The following DACT2 variants were observed in gnomAD, a reference collection of about 807,000 sequenced individuals.
DACT2 encodes dishevelled binding antagonist of beta catenin 2, also known as dapper homolog 2.
Under a neutral mutation model 22.2 loss-of-function variants are expected in DACT2, and 20 were observed. The observed-to-expected ratio is 0.90, with a 90% CI of 0.63 to 1.31. DACT2 has a LOEUF of 1.31. DACT2 is among the 50% of genes most tolerant of loss of function. DACT2 has a pLI of 0.00. For synonymous variants in DACT2, 463 were observed against 479.8 expected (o/e 0.96, Z 0.46); for missense variants, 1,048 against 1,061.4 (o/e 0.99, Z 0.18).
At chr6:168,293,792 G>GA (rs201250478) in exon 6 of DACT2, 1 of 694,984 alleles carries the variant, frequency 1.4e-6, no homozygotes, top group African/African-American at 1.7e-5. Context: ...GGCAGAGGGG[G>GA]GCCGATGATA....
At position 168,307,920 on chromosome 6, in the gene DACT2, C is replaced by G; in HGVS notation, c.1837G>C (p.Val613Leu). The change falls in exon 4 of 4, where the codon GTG becomes CTG. Residue 613 changes from valine to leucine, a missense_variant. Val to Leu is a conservative substitution (Grantham distance 32). Transcript: ENST00000366795. The surrounding 1 kb of genome is among the most constrained non-coding windows in gnomAD (Gnocchi z 5.3). ...RRKHRRWQST[V>L]EISARARLAS... ...AGGCGGGCCCGGGCCGAGATCTCCA[C>G]GGTGGACTGCCAGCGGCGATGCTTC... 6.5e-7 allele frequency: 1 copy of G among 1,545,796 alleles called. No individual in the cohort carries two copies. The highest frequency in any genetic ancestry group is 8.7e-7 in the Non-Finnish European group (1 of 1,146,796).
chr6:168,303,225 C>G (rs909128605), downstream of DACT2, among the ~76,000 whole-genome samples: 2 of 152,248 alleles, frequency 1.3e-5, no homozygotes, highest in Non-Finnish European at 2.9e-5. Flanking sequence ...CTGTACAGAA[C>G]CTCGGATTCT....
rs748726350 is a variant in DACT2, at chr6:168,307,648, G to C, written c.2109C>G (p.Asp703Glu). Residue 703 changes from aspartate (D) to glutamate (E), a missense_variant, in exon 4 of 4, where the codon GAC becomes GAG. Asp to Glu is a conservative substitution (Grantham distance 45). Transcript: ENST00000366795. This position sits in a 1 kb window ranked among gnomAD's most constrained non-coding sequence, Gnocchi z 5.3. ...CCCTGCTCTGGGCGCCGCCCTCCTC[G>C]TCGCTGCTGCTGGACTCACGGTCTC... The part of the protein sequence containing the change: ...RFGDRESSSS[D>E]EEGGAQSRDC... 1.9e-6 allele frequency: 3 copies of C among 1,547,428 alleles called. No individual in the cohort carries two copies. The Admixed American group carries it at 5.9e-5, about 30-fold the overall frequency.
chr6:168,315,460 C>T (rs1453471781), intron 1 of DACT2, among the ~76,000 whole-genome samples: 2 of 152,166 alleles, frequency 1.3e-5, no homozygotes, highest in African/African-American at 4.8e-5. Context: ...CAGCAGCAAA[C>T]CCACTTGGGT....
Position 168,310,396 on chromosome 6 carries a change from C to CACAGG in DACT2, c.425_429dup (p.Ala144ProfsTer150), listed in dbSNP as rs1380436992. The CACAGG allele has an allele frequency of 1.9e-6, 3 of 1,551,446 alleles. No individual in the cohort carries two copies. In the African/African-American group the frequency reaches 4.1e-5, roughly 21 times the overall value. ...GAGATGTGGTCACTGCAGACGGAGG[C>CACAGG]ACAGGACGTGGACAGGGAGCAGGAT... On this transcript the variant is annotated frameshift_variant, in exon 3 of 4. Coordinates refer to ENST00000366795, the MANE Select transcript of DACT2 (RefSeq NM_214462.5). LOFTEE classifies it high-confidence loss of function.
downstream of DACT2, chr6:168,301,932 G>A (rs1779119093): frequency 6.6e-6 from 1 of 152,668 alleles, no homozygotes; most frequent in South Asian, 2.1e-4. Flanking sequence ...CCCGGCTCCG[G>A]GCCCGCTCTT....
Position 168,308,529 on chromosome 6 carries a change from G to A in DACT2, c.1228C>T (p.Pro410Ser), listed in dbSNP as rs192935251. 6.4e-7 allele frequency: 1 copy of A among 1,551,010 alleles called. No homozygotes were observed. Among genetic ancestry groups the A allele is most frequent in the African/African-American group, 1.4e-5 (1 of 73,000 alleles). Residue 410 changes from proline to serine, a missense_variant, in exon 4 of 4, where the codon CCC becomes TCC. Physicochemically the swap from Pro to Ser is moderately conservative, Grantham distance 74 (BLOSUM62 -1). Coordinates refer to ENST00000366795, the MANE Select transcript of DACT2 (RefSeq NM_214462.5). ...RGGPQQQGYM[P>S]LEGPQQSGSL... Reference sequence around the variant, plus strand: ...CCAGACTGCTGGGGACCCTCAAGGGGCATGTATCCCTGCTGCTGGGGCCCG... The same window carrying A: ...CCAGACTGCTGGGGACCCTCAAGGGACATGTATCCCTGCTGCTGGGGCCCG...
intron 1 of DACT2, among the ~76,000 whole-genome samples, chr6:168,318,074 A>G (rs1414777169): frequency 7.4e-6 from 1 of 135,682 alleles, no homozygotes; most frequent in Non-Finnish European, 1.6e-5. Flanking sequence ...ACAACATCTC[A>G]GCAGCACCTC....
rs143779823 is a variant in DACT2, at chr6:168,307,200, G to T, written c.*232C>A. On this transcript the variant is annotated 3_prime_UTR_variant, in exon 4 of 4. Transcript: ENST00000366795. The surrounding 1 kb of genome is among the most constrained non-coding windows in gnomAD (Gnocchi z 5.3). The stretch of plus-strand genomic sequence containing the variant: ...CTTGAAAAGAGACACTAGGTCGGCC[G>T]GGGAGGCTGCTGGCATCTGAAACCA... 1 of 1,384,594 alleles carries T rather than the reference G, an allele frequency of 7.2e-7. No homozygotes were observed. Among genetic ancestry groups the T allele is most frequent in the Non-Finnish European group, 9.3e-7 (1 of 1,073,496 alleles). The allele number at this position is 1,384,594 out of a possible 1,614,324, so 85.8% of individuals were successfully genotyped here. A position where few individuals can be genotyped will look rare whatever the true frequency, so the allele number is the denominator to read the frequency against.
chr6:168,307,863 G>A lies in DACT2; in HGVS notation c.1894C>T (p.Pro632Ser), dbSNP rs978072021. ...CCTGCTCTCCTGGCCACGGGCCTGG[G>A]GGGCCCCAGGTTAGACTCAGGACAG... ...ASCPESNLGPPRPVARRAGGP... is the reference protein window; with the variant it reads ...ASCPESNLGPSRPVARRAGGP... Residue 632 changes from proline to serine, a missense_variant, in exon 4 of 4, where the codon CCC becomes TCC. Transcript: ENST00000366795. The surrounding 1 kb of genome is among the most constrained non-coding windows in gnomAD (Gnocchi z 5.3). 6.5e-6 allele frequency: 10 copies of A among 1,539,186 alleles called. No homozygotes were observed. Among genetic ancestry groups the A allele is most frequent in the African/African-American group, 2.7e-5 (2 of 72,980 alleles).
At position 168,307,760 on chromosome 6, in the gene DACT2, T is replaced by G; in HGVS notation, c.1997A>C (p.His666Pro). Residue 666 changes from histidine (H) to proline (P), a missense_variant, in exon 4 of 4, where the codon CAC becomes CCC. By Grantham distance (77) the His-to-Pro change is moderately conservative. Coordinates refer to ENST00000366795, the MANE Select transcript of DACT2 (RefSeq NM_214462.5). This position sits in a 1 kb window ranked among gnomAD's most constrained non-coding sequence, Gnocchi z 5.3. The stretch of plus-strand genomic sequence containing the variant: ...GAACCGCGGGTCACACTCGGCCGAG[T>G]GCTTGGAGGGCTCTGAGTCGCTCCT... ...YTRSDSEPSK[H>P]SAECDPRFPS... is the part of the protein sequence containing the mutation. 6.5e-7 allele frequency: 1 copy of G among 1,547,278 alleles called. No homozygotes were observed. Among genetic ancestry groups the G allele is most frequent in the Non-Finnish European group, 8.7e-7 (1 of 1,146,786 alleles).
chr6:168,310,312 C>T lies in DACT2; in HGVS notation c.514G>A (p.Gly172Arg), dbSNP rs1420197086. The T allele has an allele frequency of 6.4e-7, 1 of 1,551,614 alleles. No homozygotes were observed. The highest frequency in any genetic ancestry group is 2.0e-5 in the Admixed American group (1 of 50,996). The stretch of plus-strand genomic sequence containing the variant: ...TCAACCGACCGGGGCCTCCAGTCCC[C>T]CATGCTGGGCCTGGCCTTGTGGGCC... The part of the protein sequence containing the change: ...AQAHKARPSM[G>R]DWRPRSVDET... The change falls in exon 3 of 4, where the codon GGG becomes AGG. Residue 172 changes from glycine (G) to arginine (R), a missense_variant. Transcript: ENST00000366795.
At position 168,319,737 on chromosome 6, in the gene DACT2, C is replaced by G. The variant is rs1779603213; in HGVS notation, c.-104G>C. On this transcript the variant is annotated 5_prime_UTR_variant, in exon 1 of 4. Coordinates refer to ENST00000366795, the MANE Select transcript of DACT2 (RefSeq NM_214462.5). ...GCGGGTCCTCCTGCGCCTCCTCTCT[C>G]CGCCCCCGGCTCCGCAGGTCGCCAA... The G allele has an allele frequency of 1.7e-6, 2 of 1,180,134 alleles. No homozygotes were observed. Among genetic ancestry groups the G allele is most frequent in the Non-Finnish European group, 2.1e-6 (2 of 954,672 alleles). The allele number at this position is 1,180,134 out of a possible 1,614,324, so 73.1% of individuals were successfully genotyped here. A position where few individuals can be genotyped will look rare whatever the true frequency, so the allele number is the denominator to read the frequency against.
chr6:168,307,346 C>G lies in DACT2; in HGVS notation c.*86G>C. On this transcript the variant is annotated 3_prime_UTR_variant, in exon 4 of 4. Coordinates refer to ENST00000366795, the MANE Select transcript of DACT2 (RefSeq NM_214462.5). This position sits in a 1 kb window ranked among gnomAD's most constrained non-coding sequence, Gnocchi z 5.3. The stretch of plus-strand genomic sequence containing the variant: ...CGGAAGATAAAGCGACTTGGCAAGA[C>G]GACACTGAAACCCAGACATGCACAG... 6.6e-7 allele frequency: 1 copy of G among 1,504,816 alleles called. No individual in the cohort carries two copies. The highest frequency in any genetic ancestry group is 8.9e-7 in the Non-Finnish European group (1 of 1,127,728). 93.2% of individuals were successfully genotyped at this position (1,504,816 alleles called of 1,614,324 possible).
At chr6:168,293,711 C>T in exon 6 of DACT2, 1 of 609,134 alleles carries the variant, frequency 1.6e-6, no homozygotes, top group Non-Finnish European at 2.9e-6. Flanking sequence ...TTCCACTGAC[C>T]AGCAGTCCTT....
At chr6:168,294,800 C>T (rs1021649622) in intron 3 of DACT2, 4 of 471,906 alleles carry the variant, frequency 8.5e-6, no homozygotes, top group African/African-American at 6.2e-5. Flanking sequence ...ATTCTGCATG[C>T]AACTTAGATT....
rs369827437 is a variant in DACT2 at position 168,301,062 on chromosome 6, A to G, written c.659-6358T>C. Among the ~76,000 whole-genome samples, 165 of 152,372 alleles carry G rather than the reference A, an allele frequency of 1.1e-3. 2 individuals carry two copies. The South Asian group carries it at 0.031, about 29-fold the overall frequency. ...CAAAAACTCTCATTTCTTGCTGGGG[A>G]TGAAGAAGAAGCGCCATGGAAGAGT... On this transcript the variant is annotated intron_variant, in intron 3 of 5. Coordinates refer to the DACT2 transcript ENST00000366796.
chr6:168,312,056 TTCTCCTTCCCTG>T (rs1225457535), intron 1 of DACT2, among the ~76,000 whole-genome samples: 1 of 152,224 alleles, frequency 6.6e-6, no homozygotes, highest in Non-Finnish European at 1.5e-5. Flanking sequence ...TATAAGTCCC[TTCTCCTTCCCTG>T]ATAGAAGAAG....
chr6:168,311,868 T>C (rs1022839104), intron 1 of DACT2, among the ~76,000 whole-genome samples: 2 of 152,240 alleles, frequency 1.3e-5, no homozygotes, highest in Non-Finnish European at 2.9e-5. Context: ...GCTGCGTTTT[T>C]CAGCCTGCGT....
Sources: allele counts gnomAD v4.1 joint callset (sites outside exome capture counted in the v4.1 genomes callset), GRCh38; gene constraint gnomAD v4.1.1; non-coding constraint Gnocchi (gnomAD v3.1); transcripts MANE v1.5; gene names NCBI Gene and HGNC (gene_info 2026-07-23, HGNC 2026-07-21).